FAM117B: variants seen among roughly 807,000 people sequenced by gnomAD.
FAM117B encodes family with sequence similarity 117 member B.
In FAM117B, 22 loss-of-function variants were observed where a neutral mutation model predicts 52.8. That is an observed-to-expected ratio of 0.42 (90% CI 0.30 to 0.59). FAM117B has a LOEUF of 0.59. Ranked by LOEUF, FAM117B falls within the 20% of genes least tolerant of loss-of-function variation. The pLI is 0.22. For missense variants in FAM117B, 678 were observed against 802.6 expected (o/e 0.84, Z 1.88); for synonymous variants, 309 against 324.1 (o/e 0.95, Z 0.50).
intron 2 of FAM117B, among the ~76,000 whole-genome samples, chr2:202,700,413 A>C (rs933890132): frequency 1.3e-5 from 2 of 152,250 alleles, no homozygotes; most frequent in African/African-American, 2.4e-5. Flanking sequence ...TCTAGATAGA[A>C]GATCAAACCA....
chr2:202,635,852 T>A (rs1689676369), intron 1 of FAM117B, 64 bp downstream of exon 1: 1 of 1,334,526 alleles, frequency 7.5e-7, no homozygotes, highest in African/African-American at 1.5e-5. Flanking sequence ...GGGCGCGCGC[T>A]GCAATCGCGC....
chr2:202,656,025 C>G (rs1195060297), intron 1 of FAM117B, among the ~76,000 whole-genome samples: 1 of 152,068 alleles, frequency 6.6e-6, no homozygotes, highest in Admixed American at 6.6e-5. Context: ...TGTGGACATG[C>G]AGTTGTGGTA....
At chr2:202,679,112 G>A (rs571417726) in intron 1 of FAM117B, among the ~76,000 whole-genome samples, 10 of 152,308 alleles carry the variant, frequency 6.6e-5, no homozygotes, top group African/African-American at 2.4e-4. Flanking sequence ...TGGAGAAATA[G>A]TCCCTTCTAT....
chr2:202,678,767 A>C lies in FAM117B; in HGVS notation c.602-17114A>C, dbSNP rs191501757. 3.7e-3 allele frequency among the ~76,000 whole-genome samples: 559 copies of C among 152,284 alleles called. 1 individual carries two copies. The highest frequency in any genetic ancestry group is 5.1e-3 in the Non-Finnish European group (345 of 68,014). On this transcript the variant is annotated intron_variant, in intron 1 of 7. Coordinates refer to ENST00000392238, the MANE Select transcript of FAM117B (RefSeq NM_173511.4). ...GAGACGGGGTTTCTCCACGTTGGCC[A>C]GGCTGGTCTTGAACTCCCGACCTCA... is the stretch of plus-strand genomic sequence containing the variant.
In FAM117B at chr2:202,755,483, C is replaced by T. The variant is rs554310736; in HGVS notation, c.961-55C>T. On this transcript the variant is annotated intron_variant, in intron 4 of 7. Transcript: ENST00000392238. ...TATGTCTGTTGGAATTACGCTTCAG[C>T]CTAGAAAATTAAAAGGTAATGTTAA... 6 of 1,585,396 alleles carry T rather than the reference C, an allele frequency of 3.8e-6. No individual in the cohort carries two copies. The South Asian group carries it at 4.6e-5, about 12-fold the overall frequency.
At chr2:202,670,617 T>TA (rs1479757902) in intron 1 of FAM117B, among the ~76,000 whole-genome samples, 1 of 152,108 alleles carries the variant, frequency 6.6e-6, no homozygotes, top group African/African-American at 2.4e-5. Context: ...TTTGTCTACA[T>TA]AGCAGGGAAC....
chr2:202,718,956 A>G (rs964173006), intron 2 of FAM117B, among the ~76,000 whole-genome samples: 3 of 152,240 alleles, frequency 2.0e-5, no homozygotes, highest in Non-Finnish European at 2.9e-5. Flanking sequence ...CTTCGAGAAT[A>G]AGAGCTGTAT....
intron 2 of FAM117B, among the ~76,000 whole-genome samples, chr2:202,705,263 A>T (rs1690855228): frequency 6.6e-6 from 1 of 151,852 alleles, no homozygotes; most frequent in African/African-American, 2.4e-5. Context: ...TCAAGATAGT[A>T]CCATTGCACT....
chr2:202,748,289 A>G (rs1334922815), intron 4 of FAM117B, among the ~76,000 whole-genome samples: 4 of 152,180 alleles, frequency 2.6e-5, no homozygotes, highest in Non-Finnish European at 5.9e-5. Context: ...CCTAAAATGG[A>G]TTAAAGCCTT....
chr2:202,684,942 G>T (rs909067835), intron 1 of FAM117B, among the ~76,000 whole-genome samples: 2 of 151,880 alleles, frequency 1.3e-5, no homozygotes, highest in South Asian at 4.2e-4. Flanking sequence ...TCTGTTACTC[G>T]ATTATCTAAG....
intron 4 of FAM117B, among the ~76,000 whole-genome samples, chr2:202,733,023 T>G (rs1278317313): frequency 6.6e-6 from 1 of 152,128 alleles, no homozygotes; most frequent in African/African-American, 2.4e-5. Flanking sequence ...TTTCCCTAAG[T>G]GTCGGCTAGT....
intron 1 of FAM117B, among the ~76,000 whole-genome samples, chr2:202,659,344 C>T (rs1031563482): frequency 3.1e-4 from 47 of 151,898 alleles, no homozygotes; most frequent in African/African-American, 1.1e-3. Context: ...GAATCTCGCT[C>T]TCTTGCCCAG....
intron 1 of FAM117B, among the ~76,000 whole-genome samples, chr2:202,668,189 T>C (rs1226596024): frequency 6.9e-6 from 1 of 144,170 alleles, no homozygotes; most frequent in African/African-American, 2.6e-5. Context: ...TATTATATAA[T>C]ATATATTTAT....
intron 4 of FAM117B, among the ~76,000 whole-genome samples, chr2:202,743,834 CA>C (rs1691588116): frequency 6.6e-6 from 1 of 151,912 alleles, no homozygotes; most frequent in African/African-American, 2.4e-5. Context: ...ACAATCCAGT[CA>C]AAAAAGAATA....
At chr2:202,744,411 C>T (rs1691598912) in intron 4 of FAM117B, among the ~76,000 whole-genome samples, 1 of 152,150 alleles carries the variant, frequency 6.6e-6, no homozygotes, top group Non-Finnish European at 1.5e-5. Flanking sequence ...CACTTCTTCC[C>T]TAGAGAAAAG....
At chr2:202,754,056 A>G (rs573214674) in intron 4 of FAM117B, among the ~76,000 whole-genome samples, 148 of 152,266 alleles carry the variant, frequency 9.7e-4, no homozygotes, top group Admixed American at 2.4e-3. Context: ...AAATCATTCT[A>G]CTATAAAGAC....
At chr2:202,668,694 A>G (rs1690248499) in intron 1 of FAM117B, among the ~76,000 whole-genome samples, 2 of 151,828 alleles carry the variant, frequency 1.3e-5, no homozygotes, top group Admixed American at 1.3e-4. Flanking sequence ...AGGATGGTAG[A>G]TTTTGGGTCA....
intron 4 of FAM117B, among the ~76,000 whole-genome samples, chr2:202,728,024 G>T (rs866733687): frequency 3.3e-5 from 5 of 150,864 alleles, no homozygotes; most frequent in African/African-American, 1.2e-4. Context: ...TGTCACCCAG[G>T]CTGGAGTGCA....
chr2:202,676,419 GC>G (rs1690380341), intron 1 of FAM117B, among the ~76,000 whole-genome samples: 1 of 139,416 alleles, frequency 7.2e-6, no homozygotes. Context: ...CGCTCTTGTT[GC>G]CCAGGCTGGA....
Sources: allele counts gnomAD v4.1 joint callset (sites outside exome capture counted in the v4.1 genomes callset), GRCh38; gene constraint gnomAD v4.1.1; transcripts MANE v1.5; gene names NCBI Gene and HGNC (gene_info 2026-07-23, HGNC 2026-07-21).